CNGB1: variants seen among roughly 807,000 people sequenced by gnomAD.
CNGB1 encodes the protein cyclic nucleotide-gated channel beta-1.
In CNGB1, 126 loss-of-function variants were observed where a neutral mutation model predicts 151.7. That is an observed-to-expected ratio of 0.83 (90% confidence interval 0.72 to 0.96). CNGB1 has a LOEUF of 0.96. CNGB1 is among the 40% of genes least tolerant of loss of function. CNGB1 has a pLI of 0.00. For synonymous variants in CNGB1, 623 were observed against 635.1 expected, an observed-to-expected ratio of 0.98 and a Z score of 0.29; for missense variants, 1,698 against 1,627.0, an observed-to-expected ratio of 1.04 and a Z score of -0.75.
In CNGB1 at chr16:57,884,130, C is replaced by G. The variant is rs774523347; in HGVS notation, c.*34G>C. On this transcript the variant is annotated 3_prime_UTR_variant, in exon 33 of 33. Transcript: ENST00000251102. ...GCAGCGGGCGCTGGGGACACACCTGCTGGAACTGCGCGCGGGATCCGCCTC... is the reference window on the plus strand; with the variant it reads ...GCAGCGGGCGCTGGGGACACACCTGGTGGAACTGCGCGCGGGATCCGCCTC... 11 of 1,613,748 alleles carry G rather than the reference C, an allele frequency of 6.8e-6. No homozygotes were observed. In the Admixed American group the frequency reaches 1.8e-4, roughly 27 times the overall value.
At chr16:57,895,033 C>G (rs377686102) in intron 31 of CNGB1, among the ~76,000 whole-genome samples, 3 of 152,108 alleles carry the variant, frequency 2.0e-5, no homozygotes, top group East Asian at 1.9e-4. Flanking sequence ...TACCTAGAAG[C>G]CTTACTTTTT....
At chr16:57,966,129 A>T (rs1281999193) in intron 2 of CNGB1, among the ~76,000 whole-genome samples, 1 of 151,970 alleles carries the variant, frequency 6.6e-6, no homozygotes, top group Non-Finnish European at 1.5e-5. Flanking sequence ...TCAGCCTCCA[A>T]TCTCCAAAGT....
At chr16:57,912,763 G>A (rs1960758967) in intron 24 of CNGB1, among the ~76,000 whole-genome samples, 167 bp downstream of exon 24, 1 of 151,086 alleles carries the variant, frequency 6.6e-6, no homozygotes, top group South Asian at 2.1e-4. Context: ...TTGGGTGTGT[G>A]TATGTTGAAT....
rs1223279796 is a variant in CNGB1, at chr16:57,884,327, C to A, written c.3593G>T (p.Ser1198Ile). ...TPPEPPGSPP[S>I]SPPPASLGRP... is the part of the protein sequence containing the mutation. Reference sequence around the variant, plus strand: ...CCCAAGGGAGGCAGGCGGTGGAGAGCTCGGTGGAGACCCCGGGGGCTCGGG... The same window carrying A: ...CCCAAGGGAGGCAGGCGGTGGAGAGATCGGTGGAGACCCCGGGGGCTCGGG... The change falls in exon 33 of 33, where the codon AGC becomes ATC. Residue 1198 changes from serine to isoleucine, a missense_variant. Physicochemically the swap from Ser to Ile is moderately radical, Grantham distance 142. Transcript: ENST00000251102. 9 of 1,611,342 alleles carry A rather than the reference C, an allele frequency of 5.6e-6. No homozygotes were observed. The highest frequency in any genetic ancestry group is 7.6e-6 in the Non-Finnish European group (9 of 1,179,176).
chr16:57,964,240 C>CTGAGGCCCT, intron 3 of CNGB1, 38 bp from the exon 4 acceptor site: 1 of 1,591,034 alleles, frequency 6.3e-7, no homozygotes, highest in Non-Finnish European at 8.6e-7. Flanking sequence ...TCTAGGGCCT[C>CTGAGGCCCT]AGACAGGCCC....
rs1567370066 is a variant in CNGB1 at position 57,904,746 on chromosome 16, C to T, written c.2622G>A (p.Val874=). The change falls in exon 26 of 33, where the codon GTG becomes GTA. Residue 874 remains valine, a synonymous_variant. Transcript: ENST00000251102. The part of the protein sequence containing the change: ...NYFTGVFAFS[V]MIGQMRDVVG... ...GGTGCCCCGATACCTGTCCGATCAT[C>T]ACAGAGAAAGCAAAGACGCCCGTGA... 2.5e-6 allele frequency: 4 copies of T among 1,614,146 alleles called. No individual in the cohort carries two copies. The highest frequency in any genetic ancestry group is 3.4e-6 in the Non-Finnish European group (4 of 1,180,030).
Position 57,963,056 on chromosome 16 carries a change from C to A in CNGB1, c.299G>T (p.Arg100Leu), listed in dbSNP as rs13336595. ...CTTCATGAGCCAGGTCAGTACCCTGCGGCTGGGACTGCGATGGACAGAGAC... is the reference window on the plus strand; with the variant it reads ...CTTCATGAGCCAGGTCAGTACCCTGAGGCTGGGACTGCGATGGACAGAGAC... The part of the protein sequence containing the change: ...AEISEMNSPS[R>L]RVLTWLMKGV... Residue 100 changes from arginine (R) to leucine (L), a missense_variant, in exon 5 of 33, where the codon CGC becomes CTC. Transcript: ENST00000251102. 3.8e-5 allele frequency: 61 copies of A among 1,612,478 alleles called. No individual in the cohort carries two copies. The highest frequency in any genetic ancestry group is 5.2e-5 in the Non-Finnish European group (61 of 1,179,724).
chr16:57,926,829 A>T (rs904083698), intron 17 of CNGB1, among the ~76,000 whole-genome samples: 1 of 152,050 alleles, frequency 6.6e-6, no homozygotes, highest in Non-Finnish European at 1.5e-5. Context: ...AAAATACAAA[A>T]ATTAGCCGGG....
intron 2 of CNGB1, among the ~76,000 whole-genome samples, chr16:57,966,254 C>T (rs913258487): frequency 5.9e-5 from 9 of 152,216 alleles, no homozygotes; most frequent in African/African-American, 2.2e-4. Context: ...CCCTCCTCTC[C>T]ACCTATGTCT....
intron 14 of CNGB1, among the ~76,000 whole-genome samples, chr16:57,945,917 C>A (rs555888427): frequency 6.6e-6 from 1 of 152,322 alleles, no homozygotes; most frequent in South Asian, 2.1e-4. Flanking sequence ...GATTGAGAAA[C>A]CTTTTGCACA....
chr16:57,955,024 C>CA, intron 12 of CNGB1: 1 of 1,199,516 alleles, frequency 8.3e-7, no homozygotes, highest in South Asian at 2.2e-5. Flanking sequence ...GCTGGGATTA[C>CA]AGGCGTGAGC....
At chr16:57,898,027 G>A (rs1596955913) in intron 29 of CNGB1, 113 bp from the exon 30 acceptor site, 1 of 995,590 alleles carries the variant, frequency 1.0e-6, no homozygotes, top group East Asian at 2.5e-5. Flanking sequence ...AGGCACTGGG[G>A]TCCAGCCCTG....
chr16:57,919,074 G>A (rs1489316287), intron 20 of CNGB1, 25 bp downstream of exon 20: 1 of 1,613,962 alleles, frequency 6.2e-7, no homozygotes, highest in Non-Finnish European at 8.5e-7. Context: ...TTACACAGTG[G>A]GAACACCCAT....
intron 19 of CNGB1, 130 bp downstream of exon 19, chr16:57,920,257 G>C: frequency 1.0e-6 from 1 of 1,000,266 alleles, no homozygotes; most frequent in Non-Finnish European, 1.5e-6. Context: ...AATCCAGAGA[G>C]TGGGGATCTG....
intron 16 of CNGB1, among the ~76,000 whole-genome samples, chr16:57,937,581 C>A (rs1404414779): frequency 6.6e-6 from 1 of 152,160 alleles, no homozygotes; most frequent in Non-Finnish European, 1.5e-5. Flanking sequence ...ACTTCCCATG[C>A]TCCCTCCACT....
At chr16:57,895,551 T>TA (rs543964344) in intron 31 of CNGB1, among the ~76,000 whole-genome samples, 2,351 of 147,402 alleles carry the variant, frequency 0.016, 47 homozygotes, top group East Asian at 0.046. Flanking sequence ...TATGTATTTT[T>TA]TATATATATA....
chr16:57,932,606 G>GTC (rs1340510815), intron 16 of CNGB1, among the ~76,000 whole-genome samples: 1 of 151,460 alleles, frequency 6.6e-6, no homozygotes, highest in African/African-American at 2.4e-5. Flanking sequence ...TTGAGACAGA[G>GTC]TCTTGCTCTG....
intron 30 of CNGB1, 57 bp downstream of exon 30, chr16:57,897,739 C>T (rs937948897): frequency 1.9e-6 from 3 of 1,580,418 alleles, no homozygotes; most frequent in African/African-American, 1.3e-5. Flanking sequence ...GCCCGCTGGC[C>T]GCCTTCTTTC....
At chr16:57,937,794 A>G (rs920809291) in intron 16 of CNGB1, among the ~76,000 whole-genome samples, 5 of 152,158 alleles carry the variant, frequency 3.3e-5, no homozygotes, top group African/African-American at 4.8e-5. Context: ...TGGTTCCCCA[A>G]CTGGGCTGTG....
Sources: gnomAD v4.1 joint callset for allele counts (sites outside exome capture counted in the v4.1 genomes callset) on GRCh38, gnomAD v4.1.1 for gene constraint, MANE v1.5 for transcripts, NCBI Gene and HGNC (gene_info 2026-07-23, HGNC 2026-07-21) for gene names.